Variants in EXPH5 observed in about 807,000 individuals in gnomAD.
EXPH5 encodes the protein exophilin 5, also known as exophilin-5.
In EXPH5, 42 loss-of-function variants were observed where a neutral mutation model predicts 41.1. The observed-to-expected ratio is 1.02, with a 90% CI of 0.80 to 1.32. The LOEUF (loss-of-function observed/expected upper bound fraction) is 1.32. Ranked by LOEUF, EXPH5 falls within the 40% of genes most tolerant of loss-of-function variation. The pLI, the probability that EXPH5 is intolerant of heterozygous loss-of-function variation, is 0.00. For missense variants in EXPH5, 2,298 were observed against 2,314.5 expected (o/e 0.99, Z 0.15); for synonymous variants, 798 against 833.5 (o/e 0.96, Z 0.73).
intron 4 of EXPH5, among the ~76,000 whole-genome samples, chr11:108,519,117 C>T (rs751893067): frequency 2.0e-5 from 3 of 152,176 alleles, no homozygotes; most frequent in Admixed American, 1.3e-4. Context: ...TTTCACTTTA[C>T]GGACTCGCCC....
At chr11:108,584,431 T>C (rs1339817778) in intron 1 of EXPH5, among the ~76,000 whole-genome samples, 1 of 151,434 alleles carries the variant, frequency 6.6e-6, no homozygotes, top group African/African-American at 2.4e-5. Context: ...TGAGCCAAGA[T>C]TGTGCCACCG....
Position 108,509,729 on chromosome 11 carries a change from C to T in EXPH5, c.5778G>A (p.Leu1926=). ...ACTCTGAGGGGTTGGGAGGGTTCCT[C>T]AAATCATCTTTTAGGAAGCCAGGGT... ...LKNPGFLKDD[L]RNPPNPSESL... The change falls in exon 6 of 6, where the codon TTG becomes TTA. Residue 1926 remains leucine (L), a synonymous_variant. Transcript: ENST00000265843. 1.9e-6 allele frequency: 3 copies of T among 1,608,172 alleles called. No individual in the cohort carries two copies. Among genetic ancestry groups the T allele is most frequent in the Non-Finnish European group, 2.5e-6 (3 of 1,178,216 alleles).
At chr11:108,576,160 A>C (rs529339927) in intron 1 of EXPH5, among the ~76,000 whole-genome samples, 4 of 152,284 alleles carry the variant, frequency 2.6e-5, no homozygotes, top group African/African-American at 7.2e-5. Flanking sequence ...AATAGCCAAA[A>C]TATGGAAACA....
intron 1 of EXPH5, among the ~76,000 whole-genome samples, chr11:108,591,431 A>G (rs938971630): frequency 2.0e-5 from 3 of 152,250 alleles, no homozygotes; most frequent in South Asian, 2.1e-4. Flanking sequence ...GGTATTTGAT[A>G]GTGGAAGTGG....
intron 1 of EXPH5, among the ~76,000 whole-genome samples, chr11:108,592,930 A>C (rs2094131066): frequency 6.6e-6 from 1 of 152,150 alleles, no homozygotes; most frequent in Non-Finnish European, 1.5e-5. Context: ...TTGGGTGGGG[A>C]GATTCGCCTC....
chr11:108,530,930 C>A (rs1448825880), intron 3 of EXPH5, among the ~76,000 whole-genome samples: 1 of 152,208 alleles, frequency 6.6e-6, no homozygotes, highest in Admixed American at 6.5e-5. Context: ...CACCCACTCC[C>A]AGGCCTTCCC....
rs747857756 is a variant in EXPH5 at position 108,510,572 on chromosome 11, C to G, written c.4935G>C (p.Glu1645Asp). The change falls in exon 6 of 6, where the codon GAG (glutamate) becomes GAC (aspartate). Residue 1645 changes from glutamate (E) to aspartate (D), a missense_variant. Glu to Asp is a conservative substitution (Grantham distance 45). Transcript: ENST00000265843. ...TGGACTCTGCAGATTTTGGAGTAGG[C>G]TCAGGGAACAGTGGGTTGCACTCCA... The part of the protein sequence containing the change: ...GTVECNPLFP[E>D]PTPKSAESIG... The G allele has an allele frequency of 1.2e-6, 2 of 1,614,098 alleles. No individual in the cohort carries two copies. Among genetic ancestry groups the G allele is most frequent in the South Asian group, 2.2e-5 (2 of 91,080 alleles).
chr11:108,575,908 G>C (rs945819773), intron 1 of EXPH5, among the ~76,000 whole-genome samples: 1 of 151,498 alleles, frequency 6.6e-6, no homozygotes, highest in Admixed American at 6.6e-5. Context: ...GTTGTAGTGA[G>C]CCGAGATCAC....
At chr11:108,555,079 T>C (rs542321517) in intron 1 of EXPH5, among the ~76,000 whole-genome samples, 394 of 152,308 alleles carry the variant, frequency 2.6e-3, no homozygotes, top group Non-Finnish European at 4.2e-3. Flanking sequence ...GAAAAGAAAC[T>C]GCAGGGCAGA....
chr11:108,524,338 T>C (rs2093784451), intron 4 of EXPH5, among the ~76,000 whole-genome samples: 1 of 152,222 alleles, frequency 6.6e-6, no homozygotes, highest in Non-Finnish European at 1.5e-5. Flanking sequence ...ATATTAATAG[T>C]TGTGATGCAT....
At chr11:108,592,278 G>A (rs528838708) in intron 1 of EXPH5, among the ~76,000 whole-genome samples, 1 of 152,292 alleles carries the variant, frequency 6.6e-6, no homozygotes, top group South Asian at 2.1e-4. Flanking sequence ...TAGGGGAGAA[G>A]GGTGAAGTCA....
intron 1 of EXPH5, among the ~76,000 whole-genome samples, chr11:108,548,471 A>G (rs1282809296): frequency 6.6e-6 from 1 of 152,248 alleles, no homozygotes; most frequent in Non-Finnish European, 1.5e-5. Flanking sequence ...AAATATTTTT[A>G]AAGCAGAAAT....
intron 3 of EXPH5, among the ~76,000 whole-genome samples, chr11:108,536,358 C>G (rs2093880040): frequency 6.6e-6 from 1 of 151,990 alleles, no homozygotes; most frequent in Non-Finnish European, 1.5e-5. Context: ...CTCCACCTCC[C>G]AGGCTCAAGT....
At chr11:108,596,825 G>T (rs2094139475), upstream of EXPH5, among the ~76,000 whole-genome samples, 1 of 152,194 alleles carries the variant, frequency 6.6e-6, no homozygotes. Flanking sequence ...ATTGGGGACT[G>T]CCCTGGAAAC....
rs2640738 is a variant in EXPH5, at chr11:108,593,482, T to C, written c.55A>G (p.Arg19Gly). 0.47 allele frequency: 764,587 copies of C among 1,613,704 alleles called. 185,293 individuals carry two copies. The highest frequency in any genetic ancestry group is 0.54 in the Admixed American group (32,643 of 59,984). The stretch of plus-strand genomic sequence containing the variant: ...CTTTCCAGCACCTGAAGGATCTTCC[T>C]GGCCTCTTCGTCATTTAAGAAACTG... ...DFSFLNDEEA[R>G]KILQVLERNE... The change falls in exon 1 of 6, where the codon AGG (arginine) becomes GGG (glycine). Residue 19 changes from arginine (R) to glycine (G), a missense_variant. Coordinates refer to ENST00000265843, the MANE Select transcript of EXPH5 (RefSeq NM_015065.3).
At chr11:108,573,206 G>A (rs1039319668) in intron 1 of EXPH5, among the ~76,000 whole-genome samples, 1 of 147,110 alleles carries the variant, frequency 6.8e-6, no homozygotes, top group Admixed American at 6.8e-5. Flanking sequence ...GAAAAAGAAA[G>A]AAAGAAAGAA....
chr11:108,588,406 G>A (rs2094119424), intron 1 of EXPH5, among the ~76,000 whole-genome samples: 1 of 152,198 alleles, frequency 6.6e-6, no homozygotes, highest in South Asian at 2.1e-4. Context: ...TTATGAGCTA[G>A]ATGGGCCAGG....
At chr11:108,520,660 T>C (rs1392813329) in intron 4 of EXPH5, among the ~76,000 whole-genome samples, 2 of 152,028 alleles carry the variant, frequency 1.3e-5, no homozygotes, top group African/African-American at 4.8e-5. Flanking sequence ...TCCACCTCCC[T>C]GGCTCAAGCA....
chr11:108,528,700 T>A (rs2093816205), intron 3 of EXPH5, among the ~76,000 whole-genome samples: 1 of 145,326 alleles, frequency 6.9e-6, no homozygotes, highest in Non-Finnish European at 1.5e-5. Context: ...TTTCCCTTTT[T>A]TTTTTTTTTT....
Sources: allele counts gnomAD v4.1 joint callset (sites outside exome capture counted in the v4.1 genomes callset), GRCh38; gene constraint gnomAD v4.1.1; transcripts MANE v1.5; gene names NCBI Gene and HGNC (gene_info 2026-07-23, HGNC 2026-07-21).